The following SEMA5A variants were observed in gnomAD, a reference collection of about 807,000 sequenced individuals.
SEMA5A encodes semaphorin 5A.
SEMA5A carries 55 observed loss-of-function variants against 135.5 expected under a neutral mutation model. The ratio of observed to expected loss-of-function variants is 0.41; its 90% CI spans 0.33 to 0.51. SEMA5A has a LOEUF of 0.51. Ranked by LOEUF, SEMA5A falls within the 20% of genes least tolerant of loss-of-function variation. The pLI, the probability that SEMA5A is intolerant of heterozygous loss-of-function variation, is 0.37. For synonymous variants in SEMA5A, 580 were observed against 546.5 expected, an observed-to-expected ratio of 1.06 and a Z score of -0.85; for missense variants, 1,290 against 1,419.9, an observed-to-expected ratio of 0.91 and a Z score of 1.47.
At chr5:9,125,470 T>G (rs1741056574) in intron 13 of SEMA5A, among the ~76,000 whole-genome samples, 1 of 152,136 alleles carries the variant, frequency 6.6e-6, no homozygotes, top group Admixed American at 6.5e-5. Context: ...CATTAGGTAT[T>G]TGTCCTAATG....
At chr5:9,238,829 G>A (rs1748052088) in intron 5 of SEMA5A, among the ~76,000 whole-genome samples, 1 of 151,924 alleles carries the variant, frequency 6.6e-6, no homozygotes, top group Non-Finnish European at 1.5e-5. Context: ...GATTTCTGAA[G>A]GAACAGGGAT....
chr5:9,082,793 C>T (rs78740025), intron 16 of SEMA5A, among the ~76,000 whole-genome samples: 318 of 152,266 alleles, frequency 2.1e-3, no homozygotes, highest in African/African-American at 7.5e-3. Flanking sequence ...CTGGAGAAAT[C>T]ATCCTTTCTT....
chr5:9,204,058 T>TA lies in SEMA5A; in HGVS notation c.647-1819dup, dbSNP rs1482695163. 6.6e-6 allele frequency among the ~76,000 whole-genome samples: 1 copy of TA among 152,144 alleles called. No individual in the cohort carries two copies. The highest frequency in any genetic ancestry group is 1.9e-4 in the East Asian group (1 of 5,202). On this transcript the variant is annotated intron_variant, in intron 8 of 22. Transcript: ENST00000382496. This position sits in a 1 kb window ranked among gnomAD's most constrained non-coding sequence, Gnocchi z 6.4. ...ATGAAGCAGGCCCCAAAAGCAAAGATACGGAACAATTTCAAAACCATGTGT... is the reference window on the plus strand; with the variant it reads ...ATGAAGCAGGCCCCAAAAGCAAAGATAACGGAACAATTTCAAAACCATGTGT...
intron 3 of SEMA5A, among the ~76,000 whole-genome samples, chr5:9,338,591 T>G (rs1753500068): frequency 6.6e-6 from 1 of 152,182 alleles, no homozygotes; most frequent in Non-Finnish European, 1.5e-5. Flanking sequence ...ATTCAGTGAG[T>G]TGCCCACCAA....
intron 7 of SEMA5A, among the ~76,000 whole-genome samples, chr5:9,225,802 T>C (rs967052365): frequency 1.1e-4 from 17 of 152,206 alleles, no homozygotes; most frequent in Admixed American, 9.8e-4. Context: ...AACCAGCCAT[T>C]GAATGAGAAA....
At chr5:9,092,232 T>C (rs916142306) in intron 16 of SEMA5A, among the ~76,000 whole-genome samples, 5 of 152,126 alleles carry the variant, frequency 3.3e-5, no homozygotes, top group African/African-American at 9.7e-5. Context: ...GTGCATGAGG[T>C]GCAGCATGGG....
Position 9,122,662 on chromosome 5 carries a change from C to G in SEMA5A, c.1775G>C (p.Cys592Ser). 3.8e-6 allele frequency: 6 copies of G among 1,598,000 alleles called. No homozygotes were observed. In the African/African-American group the frequency reaches 4.0e-5, roughly 11 times the overall value. ...CEGPGMEIAN[C>S]SRNGGWTPWT... ...CGTGTTCTGAGCGGCACACCTGGAA[C>G]AGTTGGCGATCTCCATGCCAGGGCC... Residue 592 changes from cysteine to serine, a missense_variant, in exon 14 of 23, where the codon TGT becomes TCT. Physicochemically the swap from Cys to Ser is moderately radical, Grantham distance 112. Transcript: ENST00000382496.
At chr5:9,352,002 C>T (rs1754139945) in intron 3 of SEMA5A, among the ~76,000 whole-genome samples, 1 of 150,996 alleles carries the variant, frequency 6.6e-6, no homozygotes, top group South Asian at 2.1e-4. Flanking sequence ...CACTGATTCT[C>T]ATTTCTCCAT....
chr5:9,076,574 A>T (rs1237979570), intron 16 of SEMA5A, among the ~76,000 whole-genome samples: 2 of 152,238 alleles, frequency 1.3e-5, no homozygotes, highest in Admixed American at 1.3e-4. Context: ...TTGATCACAC[A>T]CATTATATAC....
chr5:9,087,946 A>G (rs1738794395), intron 16 of SEMA5A, among the ~76,000 whole-genome samples: 1 of 152,246 alleles, frequency 6.6e-6, no homozygotes, highest in African/African-American at 2.4e-5. Flanking sequence ...ATTCACTTAG[A>G]CAAATAATTC....
At chr5:9,095,805 T>A (rs1464071475) in intron 16 of SEMA5A, among the ~76,000 whole-genome samples, 1 of 152,240 alleles carries the variant, frequency 6.6e-6, no homozygotes, top group Admixed American at 6.5e-5. Context: ...AAGCATGGTT[T>A]GCCATGAGGC....
intron 8 of SEMA5A, among the ~76,000 whole-genome samples, chr5:9,206,530 C>T (rs893846033): frequency 2.6e-5 from 4 of 152,010 alleles, no homozygotes; most frequent in African/African-American, 9.7e-5. Context: ...AGAAGCCTCC[C>T]ATTCTATATT....
intron 1 of SEMA5A, chr5:9,519,707 C>T (rs1057227011): frequency 6.6e-6 from 1 of 152,176 alleles, no homozygotes; most frequent in Non-Finnish European, 1.5e-5. Flanking sequence ...GAAATCCACA[C>T]AATTAAGTGC....
intron 13 of SEMA5A, among the ~76,000 whole-genome samples, chr5:9,132,733 C>T (rs1170839982): frequency 6.6e-6 from 1 of 152,180 alleles, no homozygotes; most frequent in Non-Finnish European, 1.5e-5. Context: ...GAGGGTCACA[C>T]ACAAGAGGGT....
At chr5:9,154,199 A>G (rs1020864035) in intron 12 of SEMA5A, among the ~76,000 whole-genome samples, 5 of 150,754 alleles carry the variant, frequency 3.3e-5, no homozygotes, top group Non-Finnish European at 7.4e-5. Flanking sequence ...GTCATCAAAT[A>G]TCAGTATTAC....
At chr5:9,484,932 A>G (rs1760021103) in intron 1 of SEMA5A, among the ~76,000 whole-genome samples, 1 of 152,204 alleles carries the variant, frequency 6.6e-6, no homozygotes, top group African/African-American at 2.4e-5. Flanking sequence ...GGCTGCATAT[A>G]TAACAAATAA....
intron 16 of SEMA5A, among the ~76,000 whole-genome samples, chr5:9,075,616 AC>A (rs1738011211): frequency 1.3e-5 from 2 of 152,182 alleles, no homozygotes; most frequent in Admixed American, 1.3e-4. Flanking sequence ...GAATATGAAA[AC>A]TAATGCATAG....
chr5:9,395,720 C>T (rs919974794), intron 2 of SEMA5A, among the ~76,000 whole-genome samples: 1 of 152,192 alleles, frequency 6.6e-6, no homozygotes, highest in Non-Finnish European at 1.5e-5. Flanking sequence ...GGCAAAGTAG[C>T]ACACATGTTT....
chr5:9,061,088 G>T (rs1310809437), intron 18 of SEMA5A, among the ~76,000 whole-genome samples: 1 of 151,688 alleles, frequency 6.6e-6, no homozygotes, highest in African/African-American at 2.4e-5. Flanking sequence ...CCACCAAGGG[G>T]CTGGCTCCTT....
Sources: allele counts gnomAD v4.1 joint callset (sites outside exome capture counted in the v4.1 genomes callset), GRCh38; gene constraint gnomAD v4.1.1; non-coding constraint Gnocchi (gnomAD v3.1); transcripts MANE v1.5; gene names NCBI Gene and HGNC (gene_info 2026-07-23, HGNC 2026-07-21).